Variants in CLDN10 observed in about 807,000 individuals in gnomAD.
CLDN10 encodes the protein claudin 10.
A neutral mutation model predicts 22.9 loss-of-function variants in CLDN10; 15 were observed. The ratio of observed to expected loss-of-function variants is 0.65; its 90% CI spans 0.44 to 1.01. The LOEUF is 1.01. CLDN10 is among the 50% of genes least tolerant of loss of function. CLDN10 has a pLI of 0.00. For synonymous variants in CLDN10, 114 were observed against 111.4 expected (o/e 1.02, Z -0.15); for missense variants, 247 against 287.8 (o/e 0.86, Z 1.03).
chr13:95,451,474 A>T (rs2042431119), intron 1 of CLDN10, among the ~76,000 whole-genome samples: 1 of 152,180 alleles, frequency 6.6e-6, no homozygotes, highest in African/African-American at 2.4e-5. Context: ...TCTGTCACCC[A>T]GGCTAGGGTA....
chr13:95,518,723 C>A (rs1594582527), intron 1 of CLDN10, among the ~76,000 whole-genome samples: 1 of 151,744 alleles, frequency 6.6e-6, no homozygotes, highest in Admixed American at 6.6e-5. Flanking sequence ...TGCACCACTG[C>A]ACTCCAGCCT....
At chr13:95,509,197 A>G (rs1322200247) in intron 1 of CLDN10, among the ~76,000 whole-genome samples, 2 of 152,268 alleles carry the variant, frequency 1.3e-5, no homozygotes, top group Non-Finnish European at 2.9e-5. Context: ...TAGAGAAACT[A>G]GAGATGACTC....
Position 95,537,755 on chromosome 13 carries a change from C to T in CLDN10, c.215-22377C>T, listed in dbSNP as rs2043415510. On this transcript the variant is annotated intron_variant, in intron 1 of 4. Transcript: ENST00000376873. ...CCAAATTCCAGGTTTTCCATCATAA[C>T]TACCTGCCTGGTAATTTGCTGGGGT... 2.0e-5 allele frequency among the ~76,000 whole-genome samples: 3 copies of T among 152,320 alleles called. No homozygotes were observed. The South Asian group carries it at 6.2e-4, about 32-fold the overall frequency.
At chr13:95,489,887 TTTTG>T (rs775686256) in intron 1 of CLDN10, among the ~76,000 whole-genome samples, 6 of 152,190 alleles carry the variant, frequency 3.9e-5, no homozygotes, top group Non-Finnish European at 5.9e-5. Context: ...TTTAGTTGAT[TTTTG>T]TTTAAGGTGA....
chr13:95,521,137 T>A (rs1044784912), intron 1 of CLDN10, among the ~76,000 whole-genome samples: 3 of 152,228 alleles, frequency 2.0e-5, no homozygotes, highest in African/African-American at 7.2e-5. Context: ...TGAGTGACAA[T>A]AATTTCATTT....
intron 1 of CLDN10, among the ~76,000 whole-genome samples, chr13:95,546,615 A>G (rs984723958): frequency 6.6e-6 from 1 of 152,188 alleles, no homozygotes; most frequent in Non-Finnish European, 1.5e-5. Flanking sequence ...TTTTCCCCAC[A>G]ATGTGAGCCA....
intron 3 of CLDN10, among the ~76,000 whole-genome samples, chr13:95,573,805 C>T (rs1233678016): frequency 6.6e-6 from 1 of 151,438 alleles, no homozygotes; most frequent in East Asian, 1.9e-4. Flanking sequence ...TTACATGTGC[C>T]ATGTTGGTTT....
At chr13:95,515,695 G>A (rs1415686164) in intron 1 of CLDN10, among the ~76,000 whole-genome samples, 1 of 152,182 alleles carries the variant, frequency 6.6e-6, no homozygotes, top group African/African-American at 2.4e-5. Flanking sequence ...GATGCATGGG[G>A]GAGGCGGCTG....
intron 1 of CLDN10, among the ~76,000 whole-genome samples, chr13:95,477,291 G>A (rs2042693931): frequency 1.3e-5 from 2 of 152,146 alleles, no homozygotes; most frequent in African/African-American, 4.8e-5. Context: ...GCTCAGGACT[G>A]GCTAGTTTAA....
chr13:95,461,683 A>G (rs918508897), intron 1 of CLDN10, among the ~76,000 whole-genome samples: 2 of 152,166 alleles, frequency 1.3e-5, no homozygotes, highest in African/African-American at 4.8e-5. Flanking sequence ...AGCTTCCTCA[A>G]CCAAATTCCT....
intron 1 of CLDN10, among the ~76,000 whole-genome samples, chr13:95,481,100 G>A (rs565197094): frequency 6.6e-6 from 1 of 152,244 alleles, no homozygotes; most frequent in Admixed American, 6.5e-5. Context: ...CCACCTATTG[G>A]GCTAGAATGG....
chr13:95,562,024 G>A (rs1222349401), intron 3 of CLDN10, among the ~76,000 whole-genome samples: 1 of 151,560 alleles, frequency 6.6e-6, no homozygotes, highest in Admixed American at 6.6e-5. Context: ...CCATCTCCCA[G>A]GGTCAAGTGA....
At chr13:95,577,373 G>C (rs1371731634) in intron 4 of CLDN10, 35 bp downstream of exon 4, 8 of 1,268,428 alleles carry the variant, frequency 6.3e-6, no homozygotes, top group Non-Finnish European at 9.2e-6. Flanking sequence ...CTGTTAAAAA[G>C]TAGAATGCTA....
At chr13:95,512,857 C>G (rs984154181) in intron 1 of CLDN10, among the ~76,000 whole-genome samples, 1 of 152,122 alleles carries the variant, frequency 6.6e-6, no homozygotes, top group Non-Finnish European at 1.5e-5. Flanking sequence ...ACCTGGCACA[C>G]AGTAAGAGTT....
At chr13:95,491,879 C>A (rs1460995686) in intron 1 of CLDN10, among the ~76,000 whole-genome samples, 2 of 152,146 alleles carry the variant, frequency 1.3e-5, no homozygotes, top group Admixed American at 1.3e-4. Context: ...AGTACACCCC[C>A]CTTTTTCCTG....
intron 1 of CLDN10, among the ~76,000 whole-genome samples, chr13:95,473,160 GGAGA>G (rs71207423): frequency 2.4e-5 from 3 of 122,650 alleles, no homozygotes; most frequent in Admixed American, 8.2e-5. Flanking sequence ...AAAAAAAAAA[GGAGA>G]GAGAGAGAGA....
At chr13:95,526,786 T>TTAAATAAA (rs1240554814) in intron 1 of CLDN10, among the ~76,000 whole-genome samples, 10 of 88,428 alleles carry the variant, frequency 1.1e-4, no homozygotes, top group South Asian at 8.5e-4. Flanking sequence ...AAATTCCATC[T>TTAAATAAA]CAAATAAATA....
chr13:95,441,801 T>G (rs1449339189), intron 1 of CLDN10, among the ~76,000 whole-genome samples: 2 of 152,200 alleles, frequency 1.3e-5, no homozygotes, highest in Non-Finnish European at 2.9e-5. Context: ...CAACATTTAC[T>G]AAAGGGTCTT....
At chr13:95,510,982 G>A (rs147865216) in intron 1 of CLDN10, among the ~76,000 whole-genome samples, 229 of 152,168 alleles carry the variant, frequency 1.5e-3, no homozygotes, top group African/African-American at 5.4e-3. Flanking sequence ...CGCTCTGTCA[G>A]CCAAAAAAAT....
Sources: gnomAD v4.1 joint callset for allele counts (sites outside exome capture counted in the v4.1 genomes callset) on GRCh38, gnomAD v4.1.1 for gene constraint, MANE v1.5 for transcripts, NCBI Gene and HGNC (gene_info 2026-07-23, HGNC 2026-07-21) for gene names.